Variants in PRKAR2B observed in about 807,000 individuals in gnomAD.
PRKAR2B encodes protein kinase cAMP-dependent type II regulatory subunit beta.
Under a neutral mutation model 49.9 loss-of-function variants are expected in PRKAR2B, and 14 were observed. That is an observed-to-expected ratio of 0.28 (90% CI 0.19 to 0.44). The LOEUF is 0.44. Ranked by LOEUF, PRKAR2B falls within the 20% of genes least tolerant of loss-of-function variation. The probability of loss-of-function intolerance (pLI) is 1.00; values close to 1 mark genes in which losing one functional copy is unlikely to be tolerated. For missense variants in PRKAR2B, 393 were observed against 537.9 expected, an observed-to-expected ratio of 0.73 and a Z score of 2.67; for synonymous variants, 196 against 197.7, an observed-to-expected ratio of 0.99 and a Z score of 0.07.
chr7:107,137,139 C>G (rs1184173208), intron 4 of PRKAR2B, among the ~76,000 whole-genome samples: 4 of 152,222 alleles, frequency 2.6e-5, no homozygotes, highest in Non-Finnish European at 5.9e-5. Flanking sequence ...CTAGACAGCT[C>G]TCATTCCTAG....
At chr7:107,127,744 A>G (rs1341185662) in intron 3 of PRKAR2B, among the ~76,000 whole-genome samples, 3 of 152,264 alleles carry the variant, frequency 2.0e-5, no homozygotes, top group Non-Finnish European at 2.9e-5. Flanking sequence ...ACTTCTTTCC[A>G]GGGACCTTAT....
intron 2 of PRKAR2B, among the ~76,000 whole-genome samples, chr7:107,105,592 G>A (rs1420380794): frequency 6.6e-6 from 1 of 152,192 alleles, no homozygotes; most frequent in African/African-American, 2.4e-5. Context: ...TACATCAAGG[G>A]CTATCTGAGG....
chr7:107,083,223 A>G (rs1186231890), intron 2 of PRKAR2B, among the ~76,000 whole-genome samples: 1 of 152,068 alleles, frequency 6.6e-6, no homozygotes, highest in Non-Finnish European at 1.5e-5. Flanking sequence ...TCAAAAAAAA[A>G]AAAAAAATAG....
At chr7:107,119,273 C>T (rs538001810) in intron 2 of PRKAR2B, among the ~76,000 whole-genome samples, 1 of 152,276 alleles carries the variant, frequency 6.6e-6, no homozygotes, top group South Asian at 2.1e-4. Context: ...TGCCTACTGC[C>T]TACTGCACCA....
At chr7:107,136,919 C>G (rs1795711039) in intron 4 of PRKAR2B, among the ~76,000 whole-genome samples, 3 of 152,072 alleles carry the variant, frequency 2.0e-5, no homozygotes, top group Admixed American at 6.5e-5. Context: ...AGATGTTGTT[C>G]AGTATGTGAA....
intron 2 of PRKAR2B, among the ~76,000 whole-genome samples, chr7:107,082,877 G>T (rs1044872496): frequency 6.6e-6 from 1 of 152,168 alleles, no homozygotes; most frequent in Non-Finnish European, 1.5e-5. Flanking sequence ...TGGGATTACA[G>T]CTGTGAGCCA....
intron 2 of PRKAR2B, among the ~76,000 whole-genome samples, chr7:107,092,740 ATTT>A (rs949177354): frequency 1.3e-5 from 2 of 152,122 alleles, no homozygotes; most frequent in Admixed American, 6.6e-5. Context: ...AAAATTCACG[ATTT>A]TTACCATTCT....
chr7:107,159,004 A>G (rs1796147525), intron 10 of PRKAR2B, among the ~76,000 whole-genome samples: 1 of 152,228 alleles, frequency 6.6e-6, no homozygotes, highest in Non-Finnish European at 1.5e-5. Context: ...TATGGCAGCA[A>G]AACTTACAAA....
At chr7:107,142,866 G>A (rs371870005) in intron 5 of PRKAR2B, among the ~76,000 whole-genome samples, 20 of 151,944 alleles carry the variant, frequency 1.3e-4, no homozygotes, top group East Asian at 3.9e-4. Flanking sequence ...AGTTTCAAGC[G>A]ATTCTCCTGC....
intron 2 of PRKAR2B, among the ~76,000 whole-genome samples, chr7:107,111,094 G>A (rs987458275): frequency 1.3e-5 from 2 of 152,182 alleles, no homozygotes; most frequent in Admixed American, 1.3e-4. Flanking sequence ...CGACTGAAGA[G>A]CCCTCCCTAA....
At chr7:107,076,975 GCTTCC>G (rs1794411207) in intron 2 of PRKAR2B, among the ~76,000 whole-genome samples, 1 of 152,126 alleles carries the variant, frequency 6.6e-6, no homozygotes. Flanking sequence ...CGGAACATAT[GCTTCC>G]TTTTGTTTTG....
At chr7:107,133,294 T>C (rs1352311941) in intron 4 of PRKAR2B, among the ~76,000 whole-genome samples, 1 of 152,202 alleles carries the variant, frequency 6.6e-6, no homozygotes. Context: ...TTCTTCAGTT[T>C]TATAATGTTT....
At chr7:107,116,939 ATATG>A (rs896152292) in intron 2 of PRKAR2B, among the ~76,000 whole-genome samples, 2 of 146,178 alleles carry the variant, frequency 1.4e-5, no homozygotes, top group Admixed American at 1.4e-4. Context: ...GTGTGTATAT[ATATG>A]TGTGTGTGTG....
chr7:107,149,497 G>A (rs1160165054), intron 6 of PRKAR2B, among the ~76,000 whole-genome samples: 2 of 151,996 alleles, frequency 1.3e-5, no homozygotes, highest in Non-Finnish European at 2.9e-5. Context: ...TTCTACTTGT[G>A]TTCTCACATG....
At chr7:107,103,491 T>C (rs1404589553) in intron 2 of PRKAR2B, among the ~76,000 whole-genome samples, 2 of 152,168 alleles carry the variant, frequency 1.3e-5, no homozygotes, top group East Asian at 3.9e-4. Flanking sequence ...CACCATTGGT[T>C]ACAGTGACCT....
chr7:107,147,593 C>G (rs933606422), intron 6 of PRKAR2B, among the ~76,000 whole-genome samples: 16 of 152,224 alleles, frequency 1.1e-4, no homozygotes. Flanking sequence ...AATGCAGATT[C>G]TGATTCAGTG....
rs543136756 is a variant in PRKAR2B, at chr7:107,098,557, G to C, written c.344-23395G>C. On this transcript the variant is annotated intron_variant, in intron 2 of 10. Coordinates refer to ENST00000265717, the MANE Select transcript of PRKAR2B (RefSeq NM_002736.3). Reference sequence around the variant, plus strand: ...TCTTTCCTGCTTTGTTCTGTTGGTGGCGAGGAGCTGTGTTCTTTTGGAGGA... The same window carrying C: ...TCTTTCCTGCTTTGTTCTGTTGGTGCCGAGGAGCTGTGTTCTTTTGGAGGA... Among the ~76,000 whole-genome samples the C allele has an allele frequency of 3.3e-5, 5 of 152,268 alleles. No individual in the cohort carries two copies. The East Asian group carries it at 9.7e-4, about 29-fold the overall frequency.
intron 2 of PRKAR2B, among the ~76,000 whole-genome samples, chr7:107,092,057 A>G (rs962885271): frequency 6.6e-6 from 1 of 152,170 alleles, no homozygotes; most frequent in Admixed American, 6.6e-5. Context: ...TCAGCAAACC[A>G]TGTAAGTTAA....
Position 107,159,971 on chromosome 7 carries a change from C to T in PRKAR2B, c.*389C>T, listed in dbSNP as rs1796169851. ...TAGTGACTATCCCCATGTAAGAGGG[C>T]ACTTGGCAATTAAACATGCTACACA... On this transcript the variant is annotated 3_prime_UTR_variant, in exon 11 of 11. Transcript: ENST00000265717. 6.3e-6 allele frequency: 1 copy of T among 158,840 alleles called. No homozygotes were observed. Among genetic ancestry groups the T allele is most frequent in the Admixed American group, 6.3e-5 (1 of 15,808 alleles). The allele number at this position is 158,840 out of a possible 1,614,324, so 9.8% of individuals were successfully genotyped here. A position where few individuals can be genotyped will look rare whatever the true frequency, so the allele number is the denominator to read the frequency against.
Sources: gnomAD v4.1 joint callset for allele counts (sites outside exome capture counted in the v4.1 genomes callset) on GRCh38, gnomAD v4.1.1 for gene constraint, MANE v1.5 for transcripts, NCBI Gene and HGNC (gene_info 2026-07-23, HGNC 2026-07-21) for gene names.